Variants in SEMA3B observed in about 807,000 individuals in gnomAD.
SEMA3B encodes semaphorin-3B.
SEMA3B carries 71 observed loss-of-function variants against 77.8 expected under a neutral mutation model. The observed-to-expected ratio is 0.91, with a 90% confidence interval of 0.75 to 1.11. SEMA3B has a LOEUF of 1.11. Ranked by LOEUF, SEMA3B falls within the 50% of genes most tolerant of loss-of-function variation. The probability of loss-of-function intolerance (pLI) is 0.00; values close to 1 mark genes in which losing one functional copy is unlikely to be tolerated. For synonymous variants in SEMA3B, 470 were observed against 452.9 expected (o/e 1.04, Z -0.48); for missense variants, 968 against 1,056.8 (o/e 0.92, Z 1.17).
intron 6 of SEMA3B, among the ~76,000 whole-genome samples, chr3:50,272,449 A>T (rs1298057661): frequency 1.3e-5 from 2 of 151,926 alleles, no homozygotes; most frequent in African/African-American, 4.8e-5. Flanking sequence ...AGTGGTGTGC[A>T]CCTGTAATCC....
At position 50,275,033 on chromosome 3, in the gene SEMA3B, A is replaced by G; in HGVS notation, c.1471A>G (p.Met491Val). 6.3e-7 allele frequency: 1 copy of G among 1,577,862 alleles called. No individual in the cohort carries two copies. The highest frequency in any genetic ancestry group is 1.1e-5 in the South Asian group (1 of 88,450). Residue 491 changes from methionine to valine, a missense_variant, in exon 13 of 17, where the codon ATG (methionine) becomes GTG (valine). Met to Val is a conservative substitution (Grantham distance 21, BLOSUM62 1). Coordinates refer to ENST00000616701, the MANE Select transcript of SEMA3B (RefSeq NM_001290060.2). This position sits in a 1 kb window ranked among gnomAD's most constrained non-coding sequence, Gnocchi z 7.5. ...TCAGGACTCGGCCGCTGTCACCAGCATGCAAATTTCTTCCAAGAGGGTGAG... is the reference window on the plus strand; with the variant it reads ...TCAGGACTCGGCCGCTGTCACCAGCGTGCAAATTTCTTCCAAGAGGGTGAG... ...VFEDSAAVTS[M>V]QISSKRHQLY... is the part of the protein sequence containing the mutation.
chr3:50,273,717 C>G lies in SEMA3B; in HGVS notation c.923-42C>G. On this transcript the variant is annotated intron_variant, in intron 8 of 16. Transcript: ENST00000616701. The surrounding 1 kb of genome is among the most constrained non-coding windows in gnomAD (Gnocchi z 6.5). ...CAGACTCCGGGAGCCCCCGCCGCAG[C>G]GGGGCTGTGCGCCCTACCCCAGCTA... is the stretch of plus-strand genomic sequence containing the variant. 1 of 1,603,772 alleles carries G rather than the reference C, an allele frequency of 6.2e-7. No individual in the cohort carries two copies.
chr3:50,272,997 C>A (rs1406507192), intron 6 of SEMA3B: 3 of 377,650 alleles, frequency 7.9e-6, no homozygotes, highest in African/African-American at 2.1e-5. Context: ...CCCTCCTACC[C>A]CAGCCTAAGG....
Position 50,270,993 on chromosome 3 carries a change from T to C in SEMA3B, c.434T>C (p.Val145Ala). Residue 145 changes from valine (V) to alanine (A), a missense_variant, in exon 4 of 17, where the codon GTG (valine) becomes GCG (alanine). Coordinates refer to ENST00000616701, the MANE Select transcript of SEMA3B (RefSeq NM_001290060.2). This position sits in a 1 kb window ranked among gnomAD's most constrained non-coding sequence, Gnocchi z 4.7. ...CACCCAACCTGTGCCTTTGTGGAAG[T>C]GGGCCACCGGGCAGAGGTAAGGCCG... Reference protein sequence around the residue: ...AFHPTCAFVEVGHRAEEPVLR... With the variant: ...AFHPTCAFVEAGHRAEEPVLR... 1 of 1,606,404 alleles carries C rather than the reference T, an allele frequency of 6.2e-7. No homozygotes were observed. The highest frequency in any genetic ancestry group is 8.5e-7 in the Non-Finnish European group (1 of 1,176,428).
chr3:50,268,516 C>G (rs1700959066), upstream of SEMA3B, among the ~76,000 whole-genome samples: 1 of 152,256 alleles, frequency 6.6e-6, no homozygotes, highest in Non-Finnish European at 1.5e-5. Flanking sequence ...CATATCCACA[C>G]ATGTGCAATA....
intron 6 of SEMA3B, among the ~76,000 whole-genome samples, chr3:50,272,483 G>C (rs1428361733): frequency 2.0e-5 from 3 of 152,122 alleles, no homozygotes; most frequent in Admixed American, 6.5e-5. Context: ...GGCTGAGGCG[G>C]GCGGATCACC....
upstream of SEMA3B, chr3:50,269,113 C>T (rs1347081577): frequency 1.9e-5 from 13 of 671,354 alleles, no homozygotes; most frequent in Admixed American, 4.9e-5. This position sits in a 1 kb window ranked among gnomAD's most constrained non-coding sequence, Gnocchi z 4.0. Flanking sequence ...CCTGGGGACT[C>T]CCCCCCTAGC....
Position 50,270,253 on chromosome 3 carries a change from A to G in SEMA3B, c.236A>G (p.Asn79Ser), listed in dbSNP as rs781783436. 6.2e-6 allele frequency: 10 copies of G among 1,613,226 alleles called. No individual in the cohort carries two copies. The highest frequency in any genetic ancestry group is 8.5e-6 in the Non-Finnish European group (10 of 1,179,672). Residue 79 changes from asparagine to serine, a missense_variant, in exon 2 of 17, where the codon AAC (asparagine) becomes AGC (serine). Coordinates refer to ENST00000616701, the MANE Select transcript of SEMA3B (RefSeq NM_001290060.2). The surrounding 1 kb of genome is among the most constrained non-coding windows in gnomAD (Gnocchi z 4.7). ...VGAENHVASL[N>S]LDNISKRAKK... is the part of the protein sequence containing the mutation. ...GCCGAGAACCATGTGGCCTCCCTCA[A>G]CCTGGACAACATCAGCAAGCGGGCC...
upstream of SEMA3B, among the ~76,000 whole-genome samples, chr3:50,265,689 G>C (rs1324705139): frequency 6.6e-6 from 1 of 152,212 alleles, no homozygotes; most frequent in African/African-American, 2.4e-5. Context: ...CCATTCTGTT[G>C]AGACTCAGGC....
chr3:50,260,300 G>GC, the SEMA3B span: 1 of 152,204 alleles, frequency 6.6e-6, no homozygotes, highest in African/African-American at 2.4e-5. Flanking sequence ...CAGAGGGCGG[G>GC]CCGGGGTCGG....
At chr3:50,271,580 G>C (rs1412897949) in intron 6 of SEMA3B, 100 bp downstream of exon 6, 1 of 1,499,648 alleles carries the variant, frequency 6.7e-7, no homozygotes, top group Non-Finnish European at 9.0e-7. Context: ...GTGTGGCCAG[G>C]TCTTACCAAA....
chr3:50,270,620 AG>A lies in SEMA3B; in HGVS notation c.330+127del, dbSNP rs1701022566. 5 of 1,361,642 alleles carry A rather than the reference AG, an allele frequency of 3.7e-6. No homozygotes were observed. In the East Asian group the frequency reaches 7.2e-5, roughly 20 times the overall value. 84.3% of individuals were successfully genotyped at this position (1,361,642 alleles called of 1,614,324 possible). ...GAGGGCAGGGAGGTCGAGGTGGCTG[AG>A]GTCTGGGGGTGGTGAGTCAGGGTGG... On this transcript the variant is annotated intron_variant, in intron 3 of 16. Coordinates refer to ENST00000616701, the MANE Select transcript of SEMA3B (RefSeq NM_001290060.2). The surrounding 1 kb of genome is among the most constrained non-coding windows in gnomAD (Gnocchi z 4.7).
At chr3:50,268,463 A>G (rs1377999373), upstream of SEMA3B, among the ~76,000 whole-genome samples, 2 of 152,266 alleles carry the variant, frequency 1.3e-5, no homozygotes, top group Admixed American at 1.3e-4. Context: ...ACACATATGT[A>G]CTGCATGGAT....
In SEMA3B at chr3:50,275,438, G is replaced by A; in HGVS notation, c.1628G>A (p.Arg543His). The change falls in exon 14 of 17, where the codon CGC becomes CAC. Residue 543 changes from arginine (R) to histidine (H), a missense_variant. Transcript: ENST00000616701. The surrounding 1 kb of genome is among the most constrained non-coding windows in gnomAD (Gnocchi z 7.5). ...GCCTGGGACGGGGTCGCGTGCACGC[G>A]CTTCCAGCCCAGTGCCAAGAGGTGG... ...YCAWDGVACT[R>H]FQPSAKRRFR... 1 of 1,606,490 alleles carries A rather than the reference G, an allele frequency of 6.2e-7. No homozygotes were observed. The highest frequency in any genetic ancestry group is 8.5e-7 in the Non-Finnish European group (1 of 1,176,204).
At chr3:50,272,575 A>G (rs587750713) in intron 6 of SEMA3B, among the ~76,000 whole-genome samples, 1 of 152,080 alleles carries the variant, frequency 6.6e-6, no homozygotes, top group Non-Finnish European at 1.5e-5. Context: ...GTCCGGCATG[A>G]TGGTGTGCAT....
upstream of SEMA3B, among the ~76,000 whole-genome samples, chr3:50,263,900 G>T (rs145154868): frequency 5.3e-3 from 811 of 152,066 alleles, 7 homozygotes; most frequent in African/African-American, 0.018. Context: ...GGTTGAGGAA[G>T]TAATTGTACT....
At position 50,269,347 on chromosome 3, in the gene SEMA3B, A is replaced by G; in HGVS notation, c.107A>G (p.Gln36Arg). Residue 36 changes from glutamine to arginine, a missense_variant and splice_region_variant, in exon 1 of 17, where the codon CAA becomes CGA. Gln to Arg is a conservative substitution (Grantham distance 43). Coordinates refer to ENST00000616701, the MANE Select transcript of SEMA3B (RefSeq NM_001290060.2). This position sits in a 1 kb window ranked among gnomAD's most constrained non-coding sequence, Gnocchi z 4.0. ...CCCCCACGCCTTCGGCTCTCCTTCCAAGGTAGGTGCACCTGGCAGGCGGGA... is the reference window on the plus strand; with the variant it reads ...CCCCCACGCCTTCGGCTCTCCTTCCGAGGTAGGTGCACCTGGCAGGCGGGA... ...PSPPRLRLSFQELQAWHGLQT... is the reference protein window; with the variant it reads ...PSPPRLRLSFRELQAWHGLQT... The G allele has an allele frequency of 3.4e-6, 5 of 1,489,128 alleles. No individual in the cohort carries two copies. Among genetic ancestry groups the G allele is most frequent in the Non-Finnish European group, 4.5e-6 (5 of 1,119,572 alleles). 92.2% of individuals were successfully genotyped at this position (1,489,128 alleles called of 1,614,324 possible). A position where few individuals can be genotyped will look rare whatever the true frequency, so the allele number is the denominator to read the frequency against.
Position 50,273,778 on chromosome 3 carries a change from C to T in SEMA3B, c.942C>T (p.Ser314=). 6.3e-7 allele frequency: 1 copy of T among 1,596,134 alleles called. No individual in the cohort carries two copies. Among genetic ancestry groups the T allele is most frequent in the Non-Finnish European group, 8.5e-7 (1 of 1,173,474 alleles). The stretch of plus-strand genomic sequence containing the variant: ...CCGCAGAGGATGTGTTTCTGTTGTC[C>T]TCGCGGGACCACCGGACCCCGCTGC... ...FDQLQDVFLL[S]SRDHRTPLLY... The change falls in exon 9 of 17, where the codon TCC becomes TCT. Residue 314 remains serine, a synonymous_variant. Transcript: ENST00000616701. The surrounding 1 kb of genome is among the most constrained non-coding windows in gnomAD (Gnocchi z 6.5).
In SEMA3B at chr3:50,270,090, A is replaced by T; in HGVS notation, c.110-37A>T. The T allele has an allele frequency of 6.7e-7, 1 of 1,497,122 alleles. No homozygotes were observed. Among genetic ancestry groups the T allele is most frequent in the Non-Finnish European group, 8.9e-7 (1 of 1,120,348 alleles). The allele number at this position is 1,497,122 out of a possible 1,614,324, so 92.7% of individuals were successfully genotyped here. A position where few individuals can be genotyped will look rare whatever the true frequency, so the allele number is the denominator to read the frequency against. On this transcript the variant is annotated intron_variant, in intron 1 of 16. Transcript: ENST00000616701. The surrounding 1 kb of genome is among the most constrained non-coding windows in gnomAD (Gnocchi z 4.7). Reference sequence around the variant, plus strand: ...GCAGGACCTGGGGGAGGCTTCCAGCATGGCTGGCGAGTCATCAGCAGTGTC... The same window carrying T: ...GCAGGACCTGGGGGAGGCTTCCAGCTTGGCTGGCGAGTCATCAGCAGTGTC...
Sources: gnomAD v4.1 joint callset for allele counts (sites outside exome capture counted in the v4.1 genomes callset) on GRCh38, gnomAD v4.1.1 for gene constraint, Gnocchi (gnomAD v3.1) non-coding constraint, MANE v1.5 for transcripts, NCBI Gene and HGNC (gene_info 2026-07-23, HGNC 2026-07-21) for gene names.